Variants in ARPP21 observed in about 807,000 individuals in gnomAD.
ARPP21 encodes the protein cAMP regulated phosphoprotein 21.
ARPP21 carries 69 observed loss-of-function variants against 113.2 expected under a neutral mutation model. That is an observed-to-expected ratio of 0.61 (90% confidence interval 0.50 to 0.74). The LOEUF is 0.74. ARPP21 is among the 30% of genes least tolerant of loss of function. The probability of loss-of-function intolerance (pLI) is 0.00; values close to 1 mark genes in which losing one functional copy is unlikely to be tolerated. For missense variants in ARPP21, 1,070 were observed against 1,037.4 expected, an observed-to-expected ratio of 1.03 and a Z score of -0.43; for synonymous variants, 368 against 375.5, an observed-to-expected ratio of 0.98 and a Z score of 0.23.
At chr3:35,710,582 CACA>C (rs1328085099) in intron 11 of ARPP21, among the ~76,000 whole-genome samples, 2 of 146,230 alleles carry the variant, frequency 1.4e-5, no homozygotes, top group African/African-American at 2.5e-5. Context: ...CACACACACA[CACA>C]CATTTTCTCT....
intron 19 of ARPP21, among the ~76,000 whole-genome samples, chr3:35,771,750 A>G (rs1277598771): frequency 6.6e-6 from 1 of 152,234 alleles, no homozygotes; most frequent in African/African-American, 2.4e-5. Context: ...AAATGTGAAC[A>G]GTGAGACAAA....
At chr3:35,723,183 G>T (rs944849757) in intron 14 of ARPP21, among the ~76,000 whole-genome samples, 1 of 152,126 alleles carries the variant, frequency 6.6e-6, no homozygotes, top group African/African-American at 2.4e-5. Context: ...GACATGGGCT[G>T]CCCTGGACTG....
At chr3:35,654,089 G>A (rs1703695861) in intron 1 of ARPP21, among the ~76,000 whole-genome samples, 1 of 151,998 alleles carries the variant, frequency 6.6e-6, no homozygotes, top group South Asian at 2.1e-4. Context: ...AGGGGACCCA[G>A]TGATTCACAC....
At chr3:35,733,775 A>T (rs752208172) in intron 15 of ARPP21, among the ~76,000 whole-genome samples, 19 of 152,166 alleles carry the variant, frequency 1.2e-4, no homozygotes, top group Non-Finnish European at 2.1e-4. Flanking sequence ...GAGCATAAAA[A>T]TCAATTTTTT....
At position 35,681,725 on chromosome 3, in the gene ARPP21, T is replaced by C. The variant is rs1381878998; in HGVS notation, c.-27T>C. The C allele has an allele frequency of 1.3e-6, 2 of 1,595,724 alleles. No individual in the cohort carries two copies. The highest frequency in any genetic ancestry group is 1.7e-6 in the Non-Finnish European group (2 of 1,165,990). ...TCTTAACCTTCTAGGGCATAAAATC[T>C]TGTTATTTTAATTTGCATCTGGGAG... On this transcript the variant is annotated 5_prime_UTR_variant, in exon 3 of 21. Transcript: ENST00000684406.
Position 35,792,501 on chromosome 3 carries a change from G to A in ARPP21, c.2257G>A (p.Val753Ile), listed in dbSNP as rs144587268. ...AGGAACTCCGGTGCAAAGCGTGATG[G>A]TTTCCTACCCAACAATGTCTTCTTA... ...QQGTPVQSVM[V>I]SYPTMSSYQV... Residue 753 changes from valine to isoleucine, a missense_variant, in exon 20 of 21, where the codon GTT becomes ATT. Transcript: ENST00000684406. The A allele has an allele frequency of 8.3e-5, 134 of 1,614,062 alleles. No homozygotes were observed. In the African/African-American group the frequency reaches 1.6e-3, roughly 20 times the overall value.
intron 11 of ARPP21, among the ~76,000 whole-genome samples, chr3:35,711,364 A>G (rs572563690): frequency 3.9e-5 from 6 of 152,328 alleles, no homozygotes; most frequent in African/African-American, 1.4e-4. Context: ...TCATATTCTT[A>G]CAAGTTTCCA....
intron 19 of ARPP21, among the ~76,000 whole-genome samples, chr3:35,762,002 A>C (rs1309808967): frequency 6.6e-6 from 1 of 151,966 alleles, no homozygotes; most frequent in African/African-American, 2.4e-5. Context: ...TGTGATTTTT[A>C]CAACATGTTT....
intron 1 of ARPP21, among the ~76,000 whole-genome samples, chr3:35,658,628 G>A (rs1456304635): frequency 6.6e-6 from 1 of 152,088 alleles, no homozygotes; most frequent in Admixed American, 6.6e-5. Flanking sequence ...TAAGCCTTGT[G>A]AGGAAATAAA....
intron 19 of ARPP21, among the ~76,000 whole-genome samples, chr3:35,787,565 A>C (rs2096659205): frequency 6.6e-6 from 1 of 152,200 alleles, no homozygotes; most frequent in African/African-American, 2.4e-5. Flanking sequence ...CTCTCTAAGT[A>C]ACATGTCTTC....
At chr3:35,669,632 T>C (rs2075823761) in intron 1 of ARPP21, among the ~76,000 whole-genome samples, 1 of 152,162 alleles carries the variant, frequency 6.6e-6, no homozygotes, top group Admixed American at 6.5e-5. Context: ...CATCACATTT[T>C]CTTTTCAAGT....
intron 15 of ARPP21, among the ~76,000 whole-genome samples, chr3:35,731,642 A>G (rs2093982518): frequency 6.6e-6 from 1 of 151,346 alleles, no homozygotes; most frequent in South Asian, 2.1e-4. Flanking sequence ...ATATAGGTCT[A>G]TCTTTAGTAT....
chr3:35,667,949 AAGAAGAAGAAGAAGAAG>A (rs2075048784), intron 1 of ARPP21, among the ~76,000 whole-genome samples: 1 of 14,386 alleles, frequency 7.0e-5, no homozygotes, highest in African/African-American at 2.6e-4. Flanking sequence ...AGAAGAAGAA[AAGAAGAAGAAGAAGAAG>A]AAGAAGAAGA....
chr3:35,667,934 G>C (rs1454321190), intron 1 of ARPP21, among the ~76,000 whole-genome samples: 1 of 133,452 alleles, frequency 7.5e-6, no homozygotes, highest in Admixed American at 7.6e-5. Flanking sequence ...AGGAGGAGGA[G>C]AAGGAGAAGA....
chr3:35,648,402 G>C (rs765011825), intron 1 of ARPP21, among the ~76,000 whole-genome samples: 1 of 152,178 alleles, frequency 6.6e-6, no homozygotes, highest in Non-Finnish European at 1.5e-5. Context: ...TCCTGCACTA[G>C]TGGATGGGAG....
intron 15 of ARPP21, among the ~76,000 whole-genome samples, chr3:35,731,489 A>G (rs993609839): frequency 6.6e-6 from 1 of 152,218 alleles, no homozygotes; most frequent in Non-Finnish European, 1.5e-5. Context: ...AAGGAAATGT[A>G]TGCATATATT....
At chr3:35,668,867 C>A (rs1489476951) in intron 1 of ARPP21, among the ~76,000 whole-genome samples, 2 of 152,054 alleles carry the variant, frequency 1.3e-5, no homozygotes, top group Non-Finnish European at 2.9e-5. Flanking sequence ...AATATGTAAT[C>A]TTTGAGGCAT....
chr3:35,724,804 A>T (rs145121252), intron 14 of ARPP21, among the ~76,000 whole-genome samples: 332 of 152,122 alleles, frequency 2.2e-3, no homozygotes, highest in African/African-American at 7.7e-3. Flanking sequence ...TATTTTTATT[A>T]CTGCACTAAC....
At position 35,655,160 on chromosome 3, in the gene ARPP21, A is replaced by G. The variant is rs919175356; in HGVS notation, c.-213+14762A>G. ...AAGTTTTAACCCATGACAAGGAAATAAACTTTATTTTACTTTTGAGAAATA... is the reference window on the plus strand; with the variant it reads ...AAGTTTTAACCCATGACAAGGAAATGAACTTTATTTTACTTTTGAGAAATA... On this transcript the variant is annotated intron_variant, in intron 1 of 20. Transcript: ENST00000684406. 5.3e-5 allele frequency among the ~76,000 whole-genome samples: 8 copies of G among 152,176 alleles called. No individual in the cohort carries two copies. The East Asian group carries it at 1.5e-3, about 29-fold the overall frequency.
Sources: allele counts gnomAD v4.1 joint callset (sites outside exome capture counted in the v4.1 genomes callset), GRCh38; gene constraint gnomAD v4.1.1; transcripts MANE v1.5; gene names NCBI Gene and HGNC (gene_info 2026-07-23, HGNC 2026-07-21).